Variants in JAK1 observed in about 807,000 individuals in gnomAD.
JAK1 encodes Janus kinase 1, also known as tyrosine-protein kinase JAK1.
A neutral mutation model predicts 136.6 loss-of-function variants in JAK1; 16 were observed. That is an observed-to-expected ratio of 0.12 (90% CI 0.08 to 0.18). The LOEUF (loss-of-function observed/expected upper bound fraction) is 0.18, where lower values mean the gene tolerates loss of function less well. Among genes scored for constraint, JAK1 ranks in the 10% least tolerant of loss-of-function variants. The pLI, the probability that JAK1 is intolerant of heterozygous loss-of-function variation, is 1.00. For missense variants in JAK1, 859 were observed against 1,450.1 expected (o/e 0.59, Z 6.62); for synonymous variants, 492 against 519.5 (o/e 0.95, Z 0.72).
At chr1:65,018,247 AAAGT>A (rs1446832380) in intron 2 of JAK1, among the ~76,000 whole-genome samples, 1 of 152,186 alleles carries the variant, frequency 6.6e-6, no homozygotes, top group African/African-American at 2.4e-5. Context: ...AAAAAGGCTA[AAAGT>A]AAGTAAGTCA....
chr1:65,017,399 C>T (rs181563214), intron 2 of JAK1, among the ~76,000 whole-genome samples: 9 of 152,124 alleles, frequency 5.9e-5, no homozygotes, highest in African/African-American at 2.2e-4. Flanking sequence ...ACCCAGGAGG[C>T]GGAGGTTGTA....
At chr1:64,936,819 G>A (rs1645797346) in intron 1 of JAK1, among the ~76,000 whole-genome samples, 2 of 152,138 alleles carry the variant, frequency 1.3e-5, no homozygotes, top group African/African-American at 4.8e-5. Flanking sequence ...TTGAAACATG[G>A]TATCCCACGT....
Position 64,902,583 on chromosome 1 carries a change from A to AGTGT in JAK1, c.-77-16246_-77-16243dup, listed in dbSNP as rs1297802875. Among the ~76,000 whole-genome samples the AGTGT allele has an allele frequency of 8.1e-3, 596 of 73,772 alleles. 9 individuals are homozygous for AGTGT. Among genetic ancestry groups the AGTGT allele is most frequent in the Admixed American group, 0.018 (98 of 5,600 alleles). 48.4% of individuals were successfully genotyped at this position (73,772 alleles called of 152,430 possible). On this transcript the variant is annotated intron_variant, in intron 1 of 24. Coordinates refer to ENST00000342505, the MANE Select transcript of JAK1 (RefSeq NM_002227.4). ...GAGAGAGAGAGAGAGAGAGAGAGAG[A>AGTGT]GTGTGTGTGTGTGTGTGTGTGTGTG...
chr1:64,971,132 A>T (rs902692117), upstream of JAK1, among the ~76,000 whole-genome samples: 14 of 152,244 alleles, frequency 9.2e-5, no homozygotes, highest in Non-Finnish European at 8.8e-5. Flanking sequence ...GTTTCCAAAA[A>T]TTGGAATCTG....
chr1:64,946,480 T>C (rs532878434), intron 1 of JAK1, among the ~76,000 whole-genome samples: 2 of 152,336 alleles, frequency 1.3e-5, no homozygotes, highest in East Asian at 1.9e-4. Context: ...TTATGCATCA[T>C]AGTAAAAATT....
At chr1:64,949,486 A>G (rs1646044387) in intron 1 of JAK1, among the ~76,000 whole-genome samples, 1 of 152,242 alleles carries the variant, frequency 6.6e-6, no homozygotes, top group Admixed American at 6.5e-5. Context: ...AATCCTCACT[A>G]CAACTTCACA....
chr1:64,857,023 T>A (rs1160903336), intron 10 of JAK1, among the ~76,000 whole-genome samples: 1 of 152,220 alleles, frequency 6.6e-6, no homozygotes, highest in Non-Finnish European at 1.5e-5. Context: ...ATTACATGAA[T>A]AACAAAGGCA....
At chr1:64,939,661 T>C (rs576459895) in intron 1 of JAK1, among the ~76,000 whole-genome samples, 208 of 152,332 alleles carry the variant, frequency 1.4e-3, no homozygotes, top group African/African-American at 4.8e-3. Flanking sequence ...ATACATAATT[T>C]ATAAGGTCCT....
At chr1:65,066,041 T>G (rs1031775323) in intron 1 of JAK1, among the ~76,000 whole-genome samples, 1 of 151,988 alleles carries the variant, frequency 6.6e-6, no homozygotes, top group Non-Finnish European at 1.5e-5. Context: ...AAAGCAGCAA[T>G]TTTTGGCCAA....
chr1:64,995,060 C>T (rs1019874328), intron 2 of JAK1: 1 of 151,360 alleles, frequency 6.6e-6, no homozygotes, highest in Admixed American at 6.6e-5. Flanking sequence ...TTATTTTAGG[C>T]TGTTGATAAA....
intron 1 of JAK1, among the ~76,000 whole-genome samples, chr1:64,961,646 G>C (rs535171199): frequency 6.6e-6 from 1 of 151,998 alleles, no homozygotes; most frequent in African/African-American, 2.4e-5. Flanking sequence ...CTGACACCAC[G>C]TACATGCCCA....
intron 13 of JAK1, 177 bp from the exon 14 acceptor site, chr1:64,846,913 T>A: frequency 1.7e-6 from 1 of 591,834 alleles, no homozygotes; most frequent in East Asian, 2.8e-5. Flanking sequence ...AGCCTTGTTC[T>A]CTGGGCCAAC....
chr1:64,879,903 G>A (rs185037670), intron 3 of JAK1, among the ~76,000 whole-genome samples: 35 of 152,224 alleles, frequency 2.3e-4, no homozygotes, highest in Admixed American at 1.2e-3. Flanking sequence ...TCACTTCTAC[G>A]CCCATGATTA....
intron 2 of JAK1, among the ~76,000 whole-genome samples, chr1:64,988,483 C>A (rs371368219): frequency 1.4e-4 from 21 of 152,052 alleles, no homozygotes; most frequent in African/African-American, 4.8e-4. Flanking sequence ...CTGTCCCCCC[C>A]ATAGAAACTC....
chr1:65,013,584 A>G (rs566739786), intron 2 of JAK1, among the ~76,000 whole-genome samples: 54 of 152,314 alleles, frequency 3.5e-4, no homozygotes, highest in Non-Finnish European at 5.7e-4. Context: ...AGTTATAACC[A>G]CAGGGTGGTC....
At chr1:64,841,149 T>G (rs888191499) in intron 19 of JAK1, 96 bp downstream of exon 19, 1 of 902,942 alleles carries the variant, frequency 1.1e-6, no homozygotes. Context: ...GGCCCCAGAA[T>G]GAAAAAGAAT....
chr1:64,928,802 A>C (rs1206457040), intron 1 of JAK1, among the ~76,000 whole-genome samples: 2 of 150,678 alleles, frequency 1.3e-5, no homozygotes, highest in African/African-American at 2.4e-5. Context: ...AAAAACAAAA[A>C]AAAAAAACTC....
chr1:64,913,348 C>A (rs1645317754), intron 1 of JAK1, among the ~76,000 whole-genome samples: 2 of 152,166 alleles, frequency 1.3e-5, no homozygotes, highest in African/African-American at 4.8e-5. Flanking sequence ...CATATGACCA[C>A]CCTACTGACA....
chr1:64,910,426 G>A (rs1645263639), intron 1 of JAK1, among the ~76,000 whole-genome samples: 1 of 152,230 alleles, frequency 6.6e-6, no homozygotes, highest in African/African-American at 2.4e-5. Context: ...GGAATGAAAA[G>A]TTTTTCTGAT....
Sources: gnomAD v4.1 joint callset for allele counts (sites outside exome capture counted in the v4.1 genomes callset) on GRCh38, gnomAD v4.1.1 for gene constraint, MANE v1.5 for transcripts, NCBI Gene and HGNC (gene_info 2026-07-23, HGNC 2026-07-21) for gene names.